The following WNK1 variants were observed in gnomAD, a reference collection of about 807,000 sequenced individuals.
The protein encoded by WNK1 is WNK lysine deficient protein kinase 1.
Under a neutral mutation model 222.8 loss-of-function variants are expected in WNK1, and 38 were observed. That is an observed-to-expected ratio of 0.17 (90% CI 0.13 to 0.22). The LOEUF (loss-of-function observed/expected upper bound fraction) is 0.22. WNK1 is among the 10% of genes least tolerant of loss of function. WNK1 has a pLI of 1.00. For missense variants in WNK1, 2,348 were observed against 2,918.4 expected (o/e 0.80, Z 4.50); for synonymous variants, 1,090 against 1,092.9 (o/e 1.00, Z 0.05).
At chr12:852,228 G>GT (rs951339369) in intron 4 of WNK1, among the ~76,000 whole-genome samples, 5 of 152,024 alleles carry the variant, frequency 3.3e-5, no homozygotes, top group Admixed American at 6.6e-5. Context: ...TTTTTGTGGG[G>GT]TTTTTTTAGT....
chr12:893,120 G>C (rs898184191), intron 22 of WNK1, among the ~76,000 whole-genome samples: 1 of 152,086 alleles, frequency 6.6e-6, no homozygotes, highest in Non-Finnish European at 1.5e-5. Flanking sequence ...AGCCGGATGT[G>C]GTGGTGTGCA....
intron 1 of WNK1, among the ~76,000 whole-genome samples, chr12:774,197 A>G (rs1416240232): frequency 1.3e-5 from 2 of 152,192 alleles, no homozygotes; most frequent in African/African-American, 4.8e-5. Context: ...ATTGGGTAAT[A>G]GGATCTTTGC....
chr12:872,693 C>T (rs2154075574), intron 9 of WNK1, among the ~76,000 whole-genome samples: 1 of 152,258 alleles, frequency 6.6e-6, no homozygotes, highest in South Asian at 2.1e-4. Context: ...AATGTTAGTT[C>T]CCCATGTGGG....
intron 8 of WNK1, among the ~76,000 whole-genome samples, chr12:863,454 A>G (rs1951370019): frequency 6.6e-6 from 1 of 152,082 alleles, no homozygotes; most frequent in African/African-American, 2.4e-5. Context: ...CACAGAAAAT[A>G]TATTTCTGTG....
At chr12:760,444 C>T (rs1242431274) in intron 1 of WNK1, among the ~76,000 whole-genome samples, 1 of 147,382 alleles carries the variant, frequency 6.8e-6, no homozygotes, top group Non-Finnish European at 1.5e-5. Flanking sequence ...CATTTATTAG[C>T]AATATGTCTT....
rs2154094642 is a variant in WNK1 at position 896,359 on chromosome 12, T to G, written c.5872T>G (p.Phe1958Val). The change falls in exon 24 of 28, where the codon TTC (phenylalanine) becomes GTC (valine). Residue 1958 changes from phenylalanine (F) to valine (V), a missense_variant. Around this residue, in one of 13 missense-constraint regions of WNK1, gnomAD observed 1,144 missense variants for 1,273.6 expected, o/e 0.90. Coordinates refer to ENST00000315939, the MANE Select transcript of WNK1 (RefSeq NM_018979.4). ...AACTACAGCAAACAAAGTGGGTCGTTTCTCTGTATCAAAAACTGAGGACAA... is the reference window on the plus strand; with the variant it reads ...AACTACAGCAAACAAAGTGGGTCGTGTCTCTGTATCAAAAACTGAGGACAA... Reference protein sequence around the residue: ...VTTTANKVGRFSVSKTEDKIT... With the variant: ...VTTTANKVGRVSVSKTEDKIT... 1 of 1,614,150 alleles carries G rather than the reference T, an allele frequency of 6.2e-7. No homozygotes were observed. The highest frequency in any genetic ancestry group is 8.5e-7 in the Non-Finnish European group (1 of 1,180,036).
intron 2 of WNK1, among the ~76,000 whole-genome samples, chr12:815,933 G>A (rs981390791): frequency 3.3e-5 from 5 of 152,338 alleles, no homozygotes; most frequent in South Asian, 4.1e-4. Flanking sequence ...GGAAAGAAAG[G>A]TTAACCTCCA....
At chr12:880,087 C>G in intron 11 of WNK1, 56 bp downstream of exon 11, 1 of 1,523,278 alleles carries the variant, frequency 6.6e-7, no homozygotes, top group Non-Finnish European at 9.0e-7. Flanking sequence ...AGTAGATCAT[C>G]AGGAACATGG....
intron 9 of WNK1, among the ~76,000 whole-genome samples, chr12:877,137 C>T (rs150585062): frequency 0.012 from 1,666 of 138,852 alleles, 35 homozygotes; most frequent in African/African-American, 0.042. Flanking sequence ...AATCTCGGCT[C>T]ACTGCAACCT....
At chr12:836,522 G>A (rs1277700369) in intron 4 of WNK1, among the ~76,000 whole-genome samples, 2 of 152,198 alleles carry the variant, frequency 1.3e-5, no homozygotes, top group Admixed American at 6.5e-5. Context: ...TGGGAGGATA[G>A]TAGCACTAAC....
chr12:789,804 C>T (rs1944670874), intron 1 of WNK1, among the ~76,000 whole-genome samples: 2 of 152,162 alleles, frequency 1.3e-5, no homozygotes, highest in Admixed American at 1.3e-4. Flanking sequence ...GTCTCTCTGC[C>T]ATTCTCAGCA....
chr12:851,793 A>T, intron 4 of WNK1: 1 of 1,336,202 alleles, frequency 7.5e-7, no homozygotes, highest in Non-Finnish European at 9.9e-7. Context: ...GTAGGTAAGA[A>T]TTTCCAGTAT....
At chr12:860,913 T>G (rs900243951) in intron 6 of WNK1, 100 bp from the exon 7 acceptor site, 2 of 1,206,002 alleles carry the variant, frequency 1.7e-6, no homozygotes, top group Non-Finnish European at 2.4e-6. Context: ...TCTTCTCTAC[T>G]TTTTTTACAA....
chr12:816,309 G>T (rs1947330041), intron 2 of WNK1, among the ~76,000 whole-genome samples: 1 of 152,076 alleles, frequency 6.6e-6, no homozygotes, highest in African/African-American at 2.4e-5. Context: ...TCACTCGGTT[G>T]CCCAGGACAG....
At chr12:868,817 A>G (rs1857217862) in intron 8 of WNK1, 1 of 1,613,994 alleles carries the variant, frequency 6.2e-7, no homozygotes, top group Non-Finnish European at 8.5e-7. Flanking sequence ...CCCAGAATTG[A>G]CCGTTTCTGT....
chr12:877,338 T>G (rs1387741173), intron 9 of WNK1, among the ~76,000 whole-genome samples: 3 of 152,218 alleles, frequency 2.0e-5, no homozygotes, highest in Non-Finnish European at 4.4e-5. Flanking sequence ...GTGCTGGGAT[T>G]ACAGGCGTGA....
At position 813,823 on chromosome 12, in the gene WNK1, A is replaced by G. The variant is rs1947102067; in HGVS notation, c.932+9A>G. On this transcript the variant is annotated intron_variant, in intron 2 of 27. Coordinates refer to ENST00000315939, the MANE Select transcript of WNK1 (RefSeq NM_018979.4). ...TCTGGAACACTTAAAACGTAAGTTC[A>G]TCAGTATTACAAAAGCTGACCAAGA... is the stretch of plus-strand genomic sequence containing the variant. 1 of 1,613,380 alleles carries G rather than the reference A, an allele frequency of 6.2e-7. No individual in the cohort carries two copies. Among genetic ancestry groups the G allele is most frequent in the Non-Finnish European group, 8.5e-7 (1 of 1,179,626 alleles).
chr12:887,293 T>A lies in WNK1; in HGVS notation c.5353T>A (p.Ser1785Thr). The A allele has an allele frequency of 6.2e-7, 1 of 1,614,176 alleles. No individual in the cohort carries two copies. The highest frequency in any genetic ancestry group is 8.5e-7 in the Non-Finnish European group (1 of 1,180,020). Reference protein sequence around the residue: ...SEQLPPFPGPSLTQSQQPLED... With the variant: ...SEQLPPFPGPTLTQSQQPLED... ...GCAGCTGCCACCTTTTCCAGGACCT[T>A]CTCTAACCCAGGTGCCTCAAGACTT... The change falls in exon 20 of 28, where the codon TCT (serine) becomes ACT (threonine). Residue 1785 changes from serine to threonine, a missense_variant. Ser to Thr is a moderately conservative substitution (Grantham distance 58). Transcript: ENST00000315939.
intron 1 of WNK1, among the ~76,000 whole-genome samples, chr12:755,953 G>A (rs1939955737): frequency 6.6e-6 from 1 of 152,202 alleles, no homozygotes; most frequent in Non-Finnish European, 1.5e-5. Flanking sequence ...GCAGCGTGGT[G>A]ACAGAGCGAG....
Sources: gnomAD v4.1 joint callset for allele counts (sites outside exome capture counted in the v4.1 genomes callset) on GRCh38, gnomAD v4.1.1 for gene constraint, gnomAD v4.1.1 regional missense constraint, MANE v1.5 for transcripts, NCBI Gene and HGNC (gene_info 2026-07-23, HGNC 2026-07-21) for gene names.